Variants in EPB41L1 observed in about 807,000 individuals in gnomAD.
EPB41L1 encodes erythrocyte membrane protein band 4.1 like 1.
Under a neutral mutation model 97.8 loss-of-function variants are expected in EPB41L1, and 29 were observed. The observed-to-expected ratio is 0.30, with a 90% CI of 0.22 to 0.40. EPB41L1 has a LOEUF of 0.40. Among genes scored for constraint, EPB41L1 ranks in the 10% least tolerant of loss-of-function variants. EPB41L1 has a pLI of 1.00. For missense variants in EPB41L1, 812 were observed against 1,162.3 expected (o/e 0.70, Z 4.38); for synonymous variants, 383 against 459.2 (o/e 0.83, Z 2.12).
At chr20:36,157,096 C>T (rs967885129) in intron 1 of EPB41L1, among the ~76,000 whole-genome samples, 1 of 152,122 alleles carries the variant, frequency 6.6e-6, no homozygotes. Context: ...TGGTAGTGCA[C>T]GCCTATAGCC....
intron 2 of EPB41L1, among the ~76,000 whole-genome samples, chr20:36,127,041 C>T (rs1217132361): frequency 6.6e-6 from 1 of 152,240 alleles, no homozygotes; most frequent in African/African-American, 2.4e-5. Context: ...GAGGCACACA[C>T]CTAGTGGCAG....
chr20:36,096,903 A>G (rs1359537113), intron 1 of EPB41L1, among the ~76,000 whole-genome samples: 2 of 152,268 alleles, frequency 1.3e-5, no homozygotes, highest in Non-Finnish European at 2.9e-5. Flanking sequence ...AAGCCCTGAC[A>G]ATGTGTAATC....
Position 36,214,430 on chromosome 20 carries a change from C to T in EPB41L1, c.2258C>T (p.Ser753Leu), listed in dbSNP as rs779265640. Reference sequence around the variant, plus strand: ...CCCTCCATCACCACGGAGACCATATCGACCACCATGGTAAGTTGAACCCAG... The same window carrying T: ...CCCTCCATCACCACGGAGACCATATTGACCACCATGGTAAGTTGAACCCAG... ...TTPSITTETI[S>L]TTMENSLKSG... Residue 753 changes from serine to leucine, a missense_variant, in exon 17 of 22, where the codon TCG (serine) becomes TTG (leucine). Around this residue, in one of 3 missense-constraint regions of EPB41L1, gnomAD observed 498 missense variants for 622.7 expected, o/e 0.80. Coordinates refer to ENST00000338074, the MANE Select transcript of EPB41L1 (RefSeq NM_012156.2). 6.2e-7 allele frequency: 1 copy of T among 1,612,944 alleles called. No individual in the cohort carries two copies. Among genetic ancestry groups the T allele is most frequent in the Non-Finnish European group, 8.5e-7 (1 of 1,179,664 alleles).
intron 6 of EPB41L1, among the ~76,000 whole-genome samples, chr20:36,183,530 T>C (rs563355111): frequency 6.6e-5 from 10 of 152,320 alleles, no homozygotes; most frequent in Non-Finnish European, 1.2e-4. Flanking sequence ...CCCCCTGGTC[T>C]TCCCTACTGA....
At position 36,195,511 on chromosome 20, in the gene EPB41L1, C is replaced by A; in HGVS notation, c.1485+147C>A. ...GCTCCCCAGCCATCCCCCTCTGCAG[C>A]CGTCCTTGCTCCCCACTCCGCCACC... On this transcript the variant is annotated intron_variant, in intron 13 of 21. Transcript: ENST00000338074. The surrounding 1 kb of genome is among the most constrained non-coding windows in gnomAD (Gnocchi z 4.6). 1.0e-6 allele frequency: 1 copy of A among 959,524 alleles called. No individual in the cohort carries two copies. The highest frequency in any genetic ancestry group is 1.6e-6 in the Non-Finnish European group (1 of 614,234). 59.4% of individuals were successfully genotyped at this position (959,524 alleles called of 1,614,324 possible).
At chr20:36,110,546 A>C (rs978596381) in intron 1 of EPB41L1, among the ~76,000 whole-genome samples, 5 of 151,734 alleles carry the variant, frequency 3.3e-5, no homozygotes, top group African/African-American at 1.2e-4. Context: ...ACACACACAC[A>C]CACTCACACC....
chr20:36,155,993 G>A (rs566168267), intron 1 of EPB41L1, among the ~76,000 whole-genome samples: 396 of 146,046 alleles, frequency 2.7e-3, no homozygotes, highest in Non-Finnish European at 4.7e-3. Flanking sequence ...GGTGCCCTCC[G>A]CAGCTCTTGG....
intron 1 of EPB41L1, among the ~76,000 whole-genome samples, chr20:36,096,371 T>G (rs2057831846): frequency 1.3e-5 from 2 of 152,336 alleles, no homozygotes; most frequent in South Asian, 4.1e-4. Flanking sequence ...GACCAGGTTC[T>G]GAGCGAGGGG....
chr20:36,108,188 C>T (rs1423705837), intron 1 of EPB41L1, among the ~76,000 whole-genome samples: 3 of 151,848 alleles, frequency 2.0e-5, no homozygotes, highest in Admixed American at 2.0e-4. Flanking sequence ...CTATGTTGGC[C>T]AGGCTGGTCT....
At chr20:36,141,393 C>G (rs994589303) in intron 2 of EPB41L1, among the ~76,000 whole-genome samples, 8 of 151,768 alleles carry the variant, frequency 5.3e-5, no homozygotes, top group African/African-American at 1.7e-4. Flanking sequence ...TGTTAGGTTT[C>G]TATGCATGAA....
At position 36,207,626 on chromosome 20, in the gene EPB41L1, G is replaced by GC. The variant is rs2062897164; in HGVS notation, c.1669-1858dup. The GC allele has an allele frequency of 3.1e-6, 4 of 1,290,130 alleles. No homozygotes were observed. The highest frequency in any genetic ancestry group is 2.1e-4 in the Middle Eastern group (1 of 4,700). 79.9% of individuals were successfully genotyped at this position (1,290,130 alleles called of 1,614,324 possible). On this transcript the variant is annotated intron_variant, in intron 14 of 21. Transcript: ENST00000338074. This position sits in a 1 kb window ranked among gnomAD's most constrained non-coding sequence, Gnocchi z 4.9. The stretch of plus-strand genomic sequence containing the variant: ...CTCCAGCCCCCAGGGGACTTTGCCA[G>GC]CCCCAAAGCCACACATTCCACAGTG...
rs60641348 is a variant in EPB41L1 at position 36,192,083 on chromosome 20, G to A, written c.1300+1286G>A. On this transcript the variant is annotated intron_variant, in intron 11 of 21. Transcript: ENST00000338074. ...TCTACTAAAAATACAAAAATTAGCC[G>A]GGCGTGGTGGCATGCACCTGTAATC... 9.8e-3 allele frequency among the ~76,000 whole-genome samples: 1,493 copies of A among 151,950 alleles called. 22 individuals carry two copies. The highest frequency in any genetic ancestry group is 0.033 in the African/African-American group (1,369 of 41,430).
At chr20:36,172,483 T>G (rs1429063157) in intron 1 of EPB41L1, among the ~76,000 whole-genome samples, 1 of 152,284 alleles carries the variant, frequency 6.6e-6, no homozygotes, top group East Asian at 1.9e-4. Flanking sequence ...TCTTTCATTT[T>G]CCTTTACCCA....
chr20:36,194,271 A>C lies in EPB41L1; in HGVS notation c.1360A>C (p.Lys454Gln). ...ENHDAGPDGD[K>Q]RDEDGESGGQ... ...CCATGATGCAGGGCCTGACGGTGAC[A>C]AGCGGGATGAGGATGGCGAGTCTGG... The change falls in exon 12 of 22, where the codon AAG becomes CAG. Residue 454 changes from lysine (K) to glutamine (Q), a missense_variant. Coordinates refer to ENST00000338074, the MANE Select transcript of EPB41L1 (RefSeq NM_012156.2). The C allele has an allele frequency of 6.2e-7, 1 of 1,614,160 alleles. No individual in the cohort carries two copies. The highest frequency in any genetic ancestry group is 8.5e-7 in the Non-Finnish European group (1 of 1,180,032).
At chr20:36,111,893 C>T (rs572783172) in intron 1 of EPB41L1, among the ~76,000 whole-genome samples, 14 of 152,124 alleles carry the variant, frequency 9.2e-5, no homozygotes, top group African/African-American at 1.7e-4. Flanking sequence ...GCCAAGTGGA[C>T]AGCAGGGGGT....
At chr20:36,168,628 C>T (rs2060841466) in intron 1 of EPB41L1, among the ~76,000 whole-genome samples, 1 of 151,754 alleles carries the variant, frequency 6.6e-6, no homozygotes, top group Non-Finnish European at 1.5e-5. Context: ...ACTCCCAGTT[C>T]AAGCCATTCT....
rs1364065415 is a variant in EPB41L1, at chr20:36,190,827, G to A, written c.1300+30G>A. 1.9e-6 allele frequency: 3 copies of A among 1,610,414 alleles called. No individual in the cohort carries two copies. Among genetic ancestry groups the A allele is most frequent in the South Asian group, 2.2e-5 (2 of 90,964 alleles). ...GGCCCAAATTGGAGGGCTGGGCGGGGAATGGTCTTCAGAGGGAACTGGGGG... is the reference window on the plus strand; with the variant it reads ...GGCCCAAATTGGAGGGCTGGGCGGGAAATGGTCTTCAGAGGGAACTGGGGG... On this transcript the variant is annotated intron_variant, in intron 11 of 21. Transcript: ENST00000338074. This position sits in a 1 kb window ranked among gnomAD's most constrained non-coding sequence, Gnocchi z 5.8.
At chr20:36,140,859 C>A (rs1281852005) in intron 2 of EPB41L1, among the ~76,000 whole-genome samples, 2 of 152,172 alleles carry the variant, frequency 1.3e-5, no homozygotes, top group Non-Finnish European at 2.9e-5. Context: ...CCTAATGAGA[C>A]AGGCCCAAGA....
chr20:36,170,496 T>C (rs1486611054), intron 1 of EPB41L1, among the ~76,000 whole-genome samples: 1 of 152,244 alleles, frequency 6.6e-6, no homozygotes, highest in Non-Finnish European at 1.5e-5. Context: ...TTTTTACGTT[T>C]TTTTCCTTAA....
Sources: allele counts gnomAD v4.1 joint callset (sites outside exome capture counted in the v4.1 genomes callset), GRCh38; gene constraint gnomAD v4.1.1; regional missense constraint gnomAD v4.1.1; non-coding constraint Gnocchi (gnomAD v3.1); transcripts MANE v1.5; gene names NCBI Gene and HGNC (gene_info 2026-07-23, HGNC 2026-07-21).